POLN: variants seen among roughly 807,000 people sequenced by gnomAD.
POLN encodes the protein DNA polymerase nu.
Under a neutral mutation model 113.5 loss-of-function variants are expected in POLN, and 108 were observed. The observed-to-expected ratio is 0.95, with a 90% CI of 0.81 to 1.12. The LOEUF is 1.12. POLN is among the 50% of genes most tolerant of loss of function. The probability of loss-of-function intolerance (pLI) is 0.00; values close to 1 mark genes in which losing one functional copy is unlikely to be tolerated. For missense variants in POLN, 1,097 were observed against 1,077.1 expected (o/e 1.02, Z -0.26); for synonymous variants, 386 against 391.5 (o/e 0.99, Z 0.17).
intron 4 of POLN, among the ~76,000 whole-genome samples, chr4:2,210,147 T>C (rs942940051): frequency 6.6e-6 from 1 of 151,968 alleles, no homozygotes; most frequent in Non-Finnish European, 1.5e-5. Context: ...GAGAAATATA[T>C]GGTTTCCAAG....
chr4:2,090,244 T>C, intron 20 of POLN: 1 of 800,220 alleles, frequency 1.2e-6, no homozygotes, highest in Non-Finnish European at 2.1e-6. Flanking sequence ...AAATTCTACA[T>C]GCTATCTTGT....
rs150632522 is a variant in POLN at position 2,238,968 on chromosome 4, T to G, written c.-13+2552A>C. The G allele has an allele frequency of 1.9e-6, 3 of 1,587,350 alleles. No homozygotes were observed. The South Asian group carries it at 3.5e-5, about 18-fold the overall frequency. ...GGTAAACTTCTGTCTTTTATTTGAG[T>G]GACCTCTTTTTCAAGTTTCATAATC... On this transcript the variant is annotated intron_variant, in intron 2 of 25. Transcript: ENST00000511885.
At chr4:2,149,975 C>T (rs1024197593) in intron 16 of POLN, among the ~76,000 whole-genome samples, 8 of 151,922 alleles carry the variant, frequency 5.3e-5, no homozygotes, top group Admixed American at 3.3e-4. Context: ...CCCAGCTACT[C>T]GGGAAGCTGA....
intron 13 of POLN, among the ~76,000 whole-genome samples, chr4:2,165,857 GC>G (rs1170092165): frequency 6.6e-6 from 1 of 151,940 alleles, no homozygotes; most frequent in Non-Finnish European, 1.5e-5. Flanking sequence ...GCTCAGTGCA[GC>G]CTTGAACTAC....
chr4:2,101,899 G>A (rs752381287), intron 19 of POLN, among the ~76,000 whole-genome samples: 2 of 152,172 alleles, frequency 1.3e-5, no homozygotes, highest in Admixed American at 6.5e-5. Flanking sequence ...GGGCTCTTAT[G>A]CCCCAGGGCT....
At chr4:2,225,515 C>T (rs991707102) in intron 3 of POLN, among the ~76,000 whole-genome samples, 3 of 151,416 alleles carry the variant, frequency 2.0e-5, no homozygotes, top group Non-Finnish European at 4.4e-5. Flanking sequence ...GATCGCACCA[C>T]TGTACTCCAG....
Position 2,073,036 on chromosome 4 carries a change from T to G in POLN, c.2456-7A>C. On this transcript the variant is annotated splice_region_variant and splice_polypyrimidine_tract_variant and intron_variant, in intron 24 of 25. Transcript: ENST00000511885. Reference sequence around the variant, plus strand: ...ATGGTCCTCCTGACGAGAGCTAGAGTGCGGAAGAGAGAGGAGGCCCTGCTG... The same window carrying G: ...ATGGTCCTCCTGACGAGAGCTAGAGGGCGGAAGAGAGAGGAGGCCCTGCTG... The G allele has an allele frequency of 6.2e-7, 1 of 1,612,966 alleles. No homozygotes were observed. Among genetic ancestry groups the G allele is most frequent in the Non-Finnish European group, 8.5e-7 (1 of 1,179,770 alleles).
intron 19 of POLN, among the ~76,000 whole-genome samples, chr4:2,102,691 G>A (rs1472681669): frequency 6.6e-6 from 1 of 152,186 alleles, no homozygotes; most frequent in African/African-American, 2.4e-5. Flanking sequence ...CCCACTAAGA[G>A]AGAGTGGCTG....
At chr4:2,111,660 A>G (rs1731197172) in intron 19 of POLN, among the ~76,000 whole-genome samples, 1 of 152,220 alleles carries the variant, frequency 6.6e-6, no homozygotes, top group South Asian at 2.1e-4. Context: ...AGAGAACAAA[A>G]TACCTAGGAA....
chr4:2,226,685 C>T (rs968663754), intron 3 of POLN, among the ~76,000 whole-genome samples: 1 of 152,114 alleles, frequency 6.6e-6, no homozygotes, highest in Admixed American at 6.5e-5. Flanking sequence ...GAAAATTAGA[C>T]CCCAAAATGA....
At chr4:2,204,492 G>A (rs1733798068) in intron 5 of POLN, among the ~76,000 whole-genome samples, 1 of 152,144 alleles carries the variant, frequency 6.6e-6, no homozygotes, top group African/African-American at 2.4e-5. Flanking sequence ...CAGATTCACA[G>A]CAGAATTCTA....
At chr4:2,078,942 T>G in intron 23 of POLN, 24 of 985,342 alleles carry the variant, frequency 2.4e-5, no homozygotes, top group Non-Finnish European at 2.9e-5. Context: ...GATTTTTTCT[T>G]TTTTTGAGGC....
chr4:2,131,127 G>A, intron 17 of POLN, 106 bp downstream of exon 17: 1 of 769,082 alleles, frequency 1.3e-6, no homozygotes, highest in Non-Finnish European at 2.1e-6. Context: ...CAAGGCTGCA[G>A]TGAGCTGTGA....
At chr4:2,146,910 T>C (rs1021682506) in intron 16 of POLN, among the ~76,000 whole-genome samples, 7 of 152,260 alleles carry the variant, frequency 4.6e-5, no homozygotes, top group Non-Finnish European at 8.8e-5. Context: ...CCCAGCTAGA[T>C]ACTAAAAAGC....
chr4:2,120,528 C>T (rs1577704543), intron 19 of POLN, among the ~76,000 whole-genome samples: 1 of 151,656 alleles, frequency 6.6e-6, no homozygotes, highest in Non-Finnish European at 1.5e-5. Flanking sequence ...GAGTCTCGCT[C>T]TGTCACCCAG....
intron 19 of POLN, among the ~76,000 whole-genome samples, chr4:2,096,700 G>C (rs563952816): frequency 6.7e-6 from 1 of 149,314 alleles, no homozygotes; most frequent in Non-Finnish European, 1.5e-5. Context: ...GAGAGAGAGA[G>C]AGAGAGAGAG....
At chr4:2,162,234 C>G (rs957307997) in intron 13 of POLN, among the ~76,000 whole-genome samples, 1 of 152,250 alleles carries the variant, frequency 6.6e-6, no homozygotes, top group South Asian at 2.1e-4. Context: ...AGGTCTGCAG[C>G]TTCACTCCTG....
At chr4:2,113,380 G>A (rs1239216154) in intron 19 of POLN, among the ~76,000 whole-genome samples, 1 of 151,436 alleles carries the variant, frequency 6.6e-6, no homozygotes, top group Non-Finnish European at 1.5e-5. Flanking sequence ...AAAACTTAAA[G>A]TATAATAATA....
At chr4:2,174,184 T>C (rs1272785132) in intron 10 of POLN, among the ~76,000 whole-genome samples, 165 bp from the exon 11 acceptor site, 3 of 152,218 alleles carry the variant, frequency 2.0e-5, no homozygotes, top group Admixed American at 6.5e-5. Flanking sequence ...GATCCCTGTG[T>C]CATACAGGCA....
Sources: gnomAD v4.1 joint callset for allele counts (sites outside exome capture counted in the v4.1 genomes callset) on GRCh38, gnomAD v4.1.1 for gene constraint, MANE v1.5 for transcripts, NCBI Gene and HGNC (gene_info 2026-07-23, HGNC 2026-07-21) for gene names.